Variants in TMEM150C observed in about 807,000 individuals in gnomAD.
TMEM150C encodes the protein transmembrane protein 150C.
A neutral mutation model predicts 29.9 loss-of-function variants in TMEM150C; 10 were observed. The observed-to-expected ratio is 0.33, with a 90% CI of 0.21 to 0.57. TMEM150C has a LOEUF of 0.57. Among genes scored for constraint, TMEM150C ranks in the 20% least tolerant of loss-of-function variants. The probability of loss-of-function intolerance (pLI) is 0.88; values close to 1 mark genes in which losing one functional copy is unlikely to be tolerated. For missense variants in TMEM150C, 251 were observed against 303.6 expected, an observed-to-expected ratio of 0.83 and a Z score of 1.29; for synonymous variants, 101 against 112.5, an observed-to-expected ratio of 0.90 and a Z score of 0.64.
chr4:82,557,891 G>A (rs1445033333), intron 1 of TMEM150C, among the ~76,000 whole-genome samples: 2 of 151,894 alleles, frequency 1.3e-5, no homozygotes, highest in African/African-American at 2.4e-5. Context: ...ACCATGCGCA[G>A]CTAATTTTTT....
At chr4:82,495,494 G>A in intron 6 of TMEM150C, 1 of 369,778 alleles carries the variant, frequency 2.7e-6, no homozygotes, top group Non-Finnish European at 5.2e-6. Flanking sequence ...AGGTGACGAG[G>A]CACCCTAGTA....
intron 1 of TMEM150C, among the ~76,000 whole-genome samples, chr4:82,521,015 A>C (rs1450774800): frequency 6.6e-6 from 1 of 152,024 alleles, no homozygotes; most frequent in Non-Finnish European, 1.5e-5. Context: ...AACGCATCAG[A>C]CACCTCCCTG....
intron 1 of TMEM150C, among the ~76,000 whole-genome samples, chr4:82,542,195 A>G (rs544651388): frequency 6.6e-6 from 1 of 152,226 alleles, no homozygotes; most frequent in Non-Finnish European, 1.5e-5. Flanking sequence ...GCCAGTCAAT[A>G]TTTAGGAAAA....
chr4:82,505,594 G>A (rs910168421), intron 1 of TMEM150C, among the ~76,000 whole-genome samples: 3 of 152,126 alleles, frequency 2.0e-5, no homozygotes, highest in African/African-American at 7.2e-5. Flanking sequence ...ATTATCAGGA[G>A]GAAATGACAA....
At chr4:82,528,154 G>A (rs1724714965) in intron 1 of TMEM150C, among the ~76,000 whole-genome samples, 1 of 152,194 alleles carries the variant, frequency 6.6e-6, no homozygotes, top group African/African-American at 2.4e-5. Flanking sequence ...CAGGAACATG[G>A]AGGAGAAAGT....
upstream of TMEM150C, chr4:82,562,222 CGTTT>C (rs1349093481): frequency 7.8e-7 from 1 of 1,285,054 alleles, no homozygotes; most frequent in Non-Finnish European, 1.0e-6. Context: ...TTTGTGGACG[CGTTT>C]GCCTGGCGCT....
intron 1 of TMEM150C, among the ~76,000 whole-genome samples, chr4:82,524,914 C>G (rs887221983): frequency 1.8e-4 from 28 of 152,270 alleles, no homozygotes; most frequent in African/African-American, 6.7e-4. Flanking sequence ...ACCGCTCAAA[C>G]AAAGGCACAG....
intron 1 of TMEM150C, among the ~76,000 whole-genome samples, chr4:82,529,710 T>C (rs1724775073): frequency 6.6e-6 from 1 of 152,096 alleles, no homozygotes; most frequent in African/African-American, 2.4e-5. Context: ...TCAGAGCAGT[T>C]TCAGCAGGAC....
chr4:82,527,952 G>A (rs1724708464), intron 1 of TMEM150C, among the ~76,000 whole-genome samples: 1 of 144,130 alleles, frequency 6.9e-6, no homozygotes, highest in Non-Finnish European at 1.5e-5. Context: ...AGAAGAAAAG[G>A]CAAGGAGCAG....
chr4:82,489,631 T>C (rs964029168), intron 7 of TMEM150C, among the ~76,000 whole-genome samples: 2 of 152,124 alleles, frequency 1.3e-5, no homozygotes, highest in Non-Finnish European at 2.9e-5. Context: ...TCCTGAAATA[T>C]ATAAATGTAT....
intron 5 of TMEM150C, among the ~76,000 whole-genome samples, chr4:82,499,484 G>A (rs1297940065): frequency 6.6e-6 from 1 of 152,024 alleles, no homozygotes; most frequent in Non-Finnish European, 1.5e-5. Context: ...CACTTTGGGA[G>A]GCCGAGGCTG....
At chr4:82,527,722 TCA>T (rs1378738057) in intron 1 of TMEM150C, among the ~76,000 whole-genome samples, 2 of 152,194 alleles carry the variant, frequency 1.3e-5, no homozygotes, top group Non-Finnish European at 2.9e-5. Context: ...GAAAACAGCT[TCA>T]CACAGTTTAA....
intron 5 of TMEM150C, 95 bp from the exon 6 acceptor site, chr4:82,496,290 C>G (rs1294598098): frequency 2.3e-6 from 3 of 1,281,396 alleles, no homozygotes; most frequent in Non-Finnish European, 3.2e-6. Context: ...TTATGCTGCA[C>G]TATTTTCTTA....
At chr4:82,562,080 G>T (rs1327552853), upstream of TMEM150C, 2 of 1,181,982 alleles carry the variant, frequency 1.7e-6, no homozygotes, top group African/African-American at 1.6e-5. Flanking sequence ...CTTATTCTGG[G>T]GTCCCCGCTG....
Position 82,485,269 on chromosome 4 carries a change from A to C in TMEM150C, c.*242T>G. ...GGACGGATAAGAAGTGATCATGCAC[A>C]AGCTTCTTGCTCTGTCGTGCATATA... On this transcript the variant is annotated 3_prime_UTR_variant, in exon 8 of 8. Coordinates refer to ENST00000449862, the MANE Select transcript of TMEM150C (RefSeq NM_001080506.3). 1.0e-5 allele frequency: 5 copies of C among 483,920 alleles called. No homozygotes were observed. The South Asian group carries it at 1.1e-4, about 11-fold the overall frequency. The allele number at this position is 483,920 out of a possible 1,614,324, so 30.0% of individuals were successfully genotyped here.
intron 1 of TMEM150C, among the ~76,000 whole-genome samples, chr4:82,559,313 G>C (rs1725841291): frequency 6.6e-6 from 1 of 151,992 alleles, no homozygotes; most frequent in South Asian, 2.1e-4. Flanking sequence ...GGGAGGCCGA[G>C]GCGGGTGGCT....
intron 5 of TMEM150C, among the ~76,000 whole-genome samples, chr4:82,498,515 C>A (rs1196189468): frequency 3.3e-5 from 5 of 152,184 alleles, no homozygotes; most frequent in Admixed American, 1.3e-4. Flanking sequence ...TGGTCTCTAT[C>A]TACTGACCTT....
chr4:82,485,406 G>A lies in TMEM150C; in HGVS notation c.*105C>T. ...CAAATGTGGCCATGAATGTGTGTGTGTGTGTGTGTGTGAAATGAGGTTCTA... is the reference window on the plus strand; with the variant it reads ...CAAATGTGGCCATGAATGTGTGTGTATGTGTGTGTGTGAAATGAGGTTCTA... On this transcript the variant is annotated 3_prime_UTR_variant, in exon 8 of 8. Coordinates refer to ENST00000449862, the MANE Select transcript of TMEM150C (RefSeq NM_001080506.3). The A allele has an allele frequency of 1.2e-6, 1 of 837,508 alleles. No homozygotes were observed. Among genetic ancestry groups the A allele is most frequent in the Middle Eastern group, 3.3e-4 (1 of 3,036 alleles). 51.9% of individuals were successfully genotyped at this position (837,508 alleles called of 1,614,324 possible).
rs1477425902 is a variant in TMEM150C at position 82,504,622 on chromosome 4, T to C, written c.36A>G (p.Leu12=). The C allele has an allele frequency of 1.9e-6, 3 of 1,613,592 alleles. No homozygotes were observed. The highest frequency in any genetic ancestry group is 1.3e-5 in the African/African-American group (1 of 74,922). Residue 12 remains leucine, a synonymous_variant, in exon 2 of 8, where the codon CTA becomes CTG. Coordinates refer to ENST00000449862, the MANE Select transcript of TMEM150C (RefSeq NM_001080506.3). ...DGKKCSVWMF[L]PLVFTLFTSA... Reference sequence around the variant, plus strand: ...AAGTAAACAAAGTAAATACAAGAGGTAGGAACATCCATACGCTGCATTTCT... The same window carrying C: ...AAGTAAACAAAGTAAATACAAGAGGCAGGAACATCCATACGCTGCATTTCT...
Sources: gnomAD v4.1 joint callset for allele counts (sites outside exome capture counted in the v4.1 genomes callset) on GRCh38, gnomAD v4.1.1 for gene constraint, MANE v1.5 for transcripts, NCBI Gene and HGNC (gene_info 2026-07-23, HGNC 2026-07-21) for gene names.